Variants in PARVA observed in about 807,000 individuals in gnomAD.
PARVA encodes the protein alpha-parvin.
Under a neutral mutation model 52.6 loss-of-function variants are expected in PARVA, and 25 were observed. The ratio of observed to expected loss-of-function variants is 0.48; its 90% confidence interval spans 0.35 to 0.66. The LOEUF (loss-of-function observed/expected upper bound fraction) is 0.66. PARVA is among the 30% of genes least tolerant of loss of function. The pLI is 0.01. For missense variants in PARVA, 373 were observed against 450.9 expected (o/e 0.83, Z 1.56); for synonymous variants, 185 against 179.1 (o/e 1.03, Z -0.26).
intron 1 of PARVA, among the ~76,000 whole-genome samples, chr11:12,467,825 A>C (rs972139590): frequency 6.6e-6 from 1 of 152,190 alleles, no homozygotes; most frequent in Non-Finnish European, 1.5e-5. Context: ...GTACAGATAC[A>C]GTGGGCGTGG....
At chr11:12,401,102 A>ACC (rs879462875) in intron 1 of PARVA, among the ~76,000 whole-genome samples, 1 of 152,188 alleles carries the variant, frequency 6.6e-6, no homozygotes, top group Admixed American at 6.5e-5. Context: ...ATGTAGTGGG[A>ACC]CCAGGGTATT....
rs1940525183 is a variant in PARVA, at chr11:12,444,999, G to A, written c.137-28746G>A. On this transcript the variant is annotated intron_variant, in intron 1 of 12. Transcript: ENST00000334956. ...TGGCAAAGTAGCCAAGTAGGCAGTG[G>A]TCTAGGGGAGGGCTGTACTTCTAGG... is the stretch of plus-strand genomic sequence containing the variant. Among the ~76,000 whole-genome samples the A allele has an allele frequency of 2.0e-5, 3 of 152,326 alleles. No individual in the cohort carries two copies. In the South Asian group the frequency reaches 6.2e-4, roughly 32 times the overall value.
intron 1 of PARVA, among the ~76,000 whole-genome samples, chr11:12,389,157 A>C (rs1455774996): frequency 6.6e-6 from 1 of 152,124 alleles, no homozygotes; most frequent in Non-Finnish European, 1.5e-5. Flanking sequence ...GTAGGATGGG[A>C]GGATGATGGG....
chr11:12,427,537 C>A (rs1241587775), intron 1 of PARVA, among the ~76,000 whole-genome samples: 1 of 152,192 alleles, frequency 6.6e-6, no homozygotes, highest in East Asian at 1.9e-4. Flanking sequence ...TATGGACAGC[C>A]TTCTCTGTTG....
intron 4 of PARVA, chr11:12,479,112 A>G (rs1225646971): frequency 4.6e-5 from 7 of 152,240 alleles, no homozygotes; most frequent in Admixed American, 3.9e-4. Context: ...TTTTTTACAT[A>G]CCATTGCTGC....
rs572187535 is a variant in PARVA, at chr11:12,425,378, A to C, written c.136+47595A>C. ...ATATCACCTCTTCATTGGATTCCTC[A>C]AGGCCTTCCCTCACCCCGCAGTTTC... On this transcript the variant is annotated intron_variant, in intron 1 of 12. Transcript: ENST00000334956. 3.9e-5 allele frequency among the ~76,000 whole-genome samples: 6 copies of C among 152,274 alleles called. No homozygotes were observed. In the East Asian group the frequency reaches 1.2e-3, roughly 29 times the overall value.
At chr11:12,413,004 G>C (rs1040447645) in intron 1 of PARVA, among the ~76,000 whole-genome samples, 4 of 152,170 alleles carry the variant, frequency 2.6e-5, no homozygotes, top group Non-Finnish European at 5.9e-5. Context: ...AACATCCACT[G>C]TTTTGTTTTT....
intron 1 of PARVA, among the ~76,000 whole-genome samples, chr11:12,397,676 C>A (rs1565326968): frequency 6.6e-6 from 1 of 152,160 alleles, no homozygotes; most frequent in Non-Finnish European, 1.5e-5. Flanking sequence ...TTTAGCCACA[C>A]ATTTTTAGGC....
At position 12,501,977 on chromosome 11, in the gene PARVA, G is replaced by A. The variant is rs145838407; in HGVS notation, c.542-2337G>A. Among the ~76,000 whole-genome samples the A allele has an allele frequency of 2.0e-3, 308 of 152,252 alleles. 1 individual carries two copies. Among genetic ancestry groups the A allele is most frequent in the African/African-American group, 7.0e-3 (289 of 41,552 alleles). On this transcript the variant is annotated intron_variant, in intron 5 of 12. Transcript: ENST00000334956. ...AAATGTTCTTACAACCCTCAGTGAC[G>A]CCAGGTGGTGGGCCGGTAGTTCTGA...
intron 7 of PARVA, among the ~76,000 whole-genome samples, chr11:12,510,721 G>A (rs1941493747): frequency 6.6e-6 from 1 of 152,160 alleles, no homozygotes; most frequent in Admixed American, 6.5e-5. Context: ...AAACCCATGG[G>A]ATCTCATGAG....
chr11:12,434,559 G>T (rs1019190522), intron 1 of PARVA, among the ~76,000 whole-genome samples: 2 of 152,084 alleles, frequency 1.3e-5, no homozygotes, highest in Non-Finnish European at 2.9e-5. Flanking sequence ...TCATGGCTTG[G>T]ATCATTCTAT....
intron 1 of PARVA, among the ~76,000 whole-genome samples, chr11:12,446,568 T>C (rs1356821690): frequency 6.6e-6 from 1 of 152,166 alleles, no homozygotes; most frequent in Admixed American, 6.5e-5. Flanking sequence ...TGGCCAACAA[T>C]TGTGTGATGA....
intron 1 of PARVA, among the ~76,000 whole-genome samples, chr11:12,440,958 T>TA: frequency 6.6e-6 from 1 of 152,258 alleles, no homozygotes. Context: ...TACATCTACA[T>TA]AATCCCTCTA....
At position 12,473,895 on chromosome 11, in the gene PARVA, T is replaced by G; in HGVS notation, c.227-18T>G. ...TTCCCATGCCAGCACCCCCACTGAA[T>G]TCCTTTTCTTTTTAAAGAGGAGAAT... On this transcript the variant is annotated intron_variant, in intron 2 of 12. Transcript: ENST00000334956. 6.4e-7 allele frequency: 1 copy of G among 1,567,842 alleles called. No individual in the cohort carries two copies. The highest frequency in any genetic ancestry group is 8.7e-7 in the Non-Finnish European group (1 of 1,155,962).
intron 1 of PARVA, among the ~76,000 whole-genome samples, chr11:12,388,738 G>T (rs1939615364): frequency 6.6e-6 from 1 of 151,526 alleles, no homozygotes; most frequent in Non-Finnish European, 1.5e-5. Context: ...ATGTTGTAAA[G>T]ATAAGTTTTT....
chr11:12,406,919 C>T (rs1565329611), intron 1 of PARVA, among the ~76,000 whole-genome samples: 1 of 152,100 alleles, frequency 6.6e-6, no homozygotes, highest in Non-Finnish European at 1.5e-5. Flanking sequence ...ATCCACCTGC[C>T]TCGGCTTCCC....
chr11:12,527,732 C>T (rs1941721491), intron 12 of PARVA, 117 bp from the exon 13 acceptor site: 2 of 795,690 alleles, frequency 2.5e-6, no homozygotes, highest in East Asian at 2.4e-5. Context: ...TACCCATCTG[C>T]CCCGAACATG....
intron 1 of PARVA, among the ~76,000 whole-genome samples, chr11:12,448,736 G>A (rs1009278266): frequency 6.6e-6 from 1 of 152,204 alleles, no homozygotes; most frequent in African/African-American, 2.4e-5. Context: ...CCTGTCATGG[G>A]GAGGGGATGG....
chr11:12,396,223 CTT>C (rs140561367), intron 1 of PARVA, among the ~76,000 whole-genome samples: 13,485 of 152,252 alleles, frequency 0.089, 726 homozygotes, highest in African/African-American at 0.14. Context: ...AAGTCTAACT[CTT>C]TGCCCACTAT....
Sources: gnomAD v4.1 joint callset for allele counts (sites outside exome capture counted in the v4.1 genomes callset) on GRCh38, gnomAD v4.1.1 for gene constraint, MANE v1.5 for transcripts, NCBI Gene and HGNC (gene_info 2026-07-23, HGNC 2026-07-21) for gene names.